Variants in ADAMTS6 observed in about 807,000 individuals in gnomAD.
ADAMTS6 encodes ADAM metallopeptidase with thrombospondin type 1 motif 6, also known as A disintegrin and metalloproteinase with thrombospondin motifs 6.
In ADAMTS6, 23 loss-of-function variants were observed where a neutral mutation model predicts 144.3. The ratio of observed to expected loss-of-function variants is 0.16; its 90% CI spans 0.11 to 0.23. ADAMTS6 has a LOEUF of 0.23. Ranked by LOEUF, ADAMTS6 falls within the 10% of genes least tolerant of loss-of-function variation. ADAMTS6 has a pLI of 1.00. For missense variants in ADAMTS6, 999 were observed against 1,379.6 expected (o/e 0.72, Z 4.37); for synonymous variants, 444 against 457.5 (o/e 0.97, Z 0.38).
At chr5:65,470,302 TA>T (rs1176004927) in intron 3 of ADAMTS6, among the ~76,000 whole-genome samples, 47 of 152,242 alleles carry the variant, frequency 3.1e-4, no homozygotes, top group African/African-American at 1.1e-3. Flanking sequence ...ATAGACACTG[TA>T]TAAAAGATTT....
intron 18 of ADAMTS6, among the ~76,000 whole-genome samples, chr5:65,222,169 T>C (rs1262909753): frequency 6.6e-6 from 1 of 152,134 alleles, no homozygotes; most frequent in African/African-American, 2.4e-5. Context: ...GCAAAAATAA[T>C]GTTGAAAAAG....
chr5:65,304,513 G>T (rs1743743820), intron 9 of ADAMTS6, among the ~76,000 whole-genome samples: 1 of 152,142 alleles, frequency 6.6e-6, no homozygotes, highest in Admixed American at 6.5e-5. Context: ...GCTCACTGCA[G>T]CCTCGACCTC....
intron 7 of ADAMTS6, among the ~76,000 whole-genome samples, chr5:65,445,978 G>A (rs1038336869): frequency 7.2e-5 from 11 of 152,132 alleles, no homozygotes; most frequent in East Asian, 1.9e-4. Context: ...AAAAAGCAGC[G>A]TGGTAAGAGA....
Position 65,242,108 on chromosome 5 carries a change from A to T in ADAMTS6, c.1929T>A (p.Thr643=). 1.3e-6 allele frequency: 2 copies of T among 1,583,706 alleles called. No individual in the cohort carries two copies. The highest frequency in any genetic ancestry group is 1.7e-6 in the Non-Finnish European group (2 of 1,160,948). The change falls in exon 15 of 25, where the codon ACT becomes ACA. Residue 643 remains threonine (T), a synonymous_variant. Transcript: ENST00000381055. ...CTCTGTCAGGTTATACATTACCTCCAGTATAGGGTTTCCAGTTATAATACT... is the reference window on the plus strand; with the variant it reads ...CTCTGTCAGGTTATACATTACCTCCTGTATAGGGTTTCCAGTTATAATACT... ...RGKYYNWKPY[T]GGGVKPCALN...
rs1209619369 is a variant in ADAMTS6, at chr5:65,234,033, C to A, written c.1934-7814G>T. ...CCAAGAAAATAGAGTGAGGAGAGGG[C>A]AGTCTCTTCAATAAGTGATGCTGGG... is the stretch of plus-strand genomic sequence containing the variant. On this transcript the variant is annotated intron_variant, in intron 15 of 24. Transcript: ENST00000381055. Among the ~76,000 whole-genome samples, 6 of 145,578 alleles carry A rather than the reference C, an allele frequency of 4.1e-5. No individual in the cohort carries two copies. In the Admixed American group the frequency reaches 4.2e-4, roughly 10 times the overall value.
intron 4 of ADAMTS6, among the ~76,000 whole-genome samples, chr5:65,455,603 A>G (rs138591961): frequency 4.3e-4 from 66 of 152,122 alleles, no homozygotes; most frequent in African/African-American, 1.5e-3. Context: ...TTTGTCCAGT[A>G]AAATATTTCA....
chr5:65,242,946 A>C (rs1759320783), intron 14 of ADAMTS6, among the ~76,000 whole-genome samples: 1 of 152,076 alleles, frequency 6.6e-6, no homozygotes, highest in South Asian at 2.1e-4. Flanking sequence ...AATGCTTCTG[A>C]AGTTTTTTAA....
At chr5:65,239,890 T>G (rs1183568666) in intron 15 of ADAMTS6, among the ~76,000 whole-genome samples, 1 of 152,116 alleles carries the variant, frequency 6.6e-6, no homozygotes, top group Admixed American at 6.6e-5. Flanking sequence ...CCTCAGACAT[T>G]GTCGGTGAGA....
chr5:65,473,478 A>G (rs1760622337), intron 2 of ADAMTS6, 99 bp downstream of exon 2: 1 of 1,012,382 alleles, frequency 9.9e-7, no homozygotes, highest in Non-Finnish European at 1.5e-6. Context: ...ATCACTACAT[A>G]TCCCAAAAAA....
intron 7 of ADAMTS6, among the ~76,000 whole-genome samples, chr5:65,439,096 T>G (rs1757672464): frequency 6.6e-6 from 1 of 151,206 alleles, no homozygotes; most frequent in African/African-American, 2.4e-5. Flanking sequence ...TGACGGAAAA[T>G]CCCAAAAAGT....
intron 14 of ADAMTS6, among the ~76,000 whole-genome samples, chr5:65,250,054 T>C (rs946615495): frequency 3.3e-5 from 5 of 152,196 alleles, no homozygotes; most frequent in African/African-American, 1.2e-4. Flanking sequence ...ACTGGATCTC[T>C]TTCACAGCAT....
At chr5:65,460,465 A>G (rs1164623732) in intron 3 of ADAMTS6, 127 bp from the exon 4 acceptor site, 1 of 832,744 alleles carries the variant, frequency 1.2e-6, no homozygotes, top group Non-Finnish European at 1.8e-6. Context: ...TTAATAAAAA[A>G]ATTAGCGAAT....
intron 24 of ADAMTS6, among the ~76,000 whole-genome samples, chr5:65,168,432 T>C (rs1470283717): frequency 6.8e-6 from 1 of 147,290 alleles, no homozygotes; most frequent in Middle Eastern, 3.3e-3. Flanking sequence ...ATAGGAAGAA[T>C]CAATATCGTG....
At chr5:65,301,860 G>A (rs544936194) in intron 9 of ADAMTS6, among the ~76,000 whole-genome samples, 3 of 151,946 alleles carry the variant, frequency 2.0e-5, no homozygotes, top group South Asian at 2.1e-4. Flanking sequence ...AGGCTGGGGC[G>A]GGAGGATCAC....
At chr5:65,273,893 GA>G (rs1762248260) in intron 11 of ADAMTS6, among the ~76,000 whole-genome samples, 1 of 152,086 alleles carries the variant, frequency 6.6e-6, no homozygotes, top group East Asian at 1.9e-4. Context: ...TTTAAAACAG[GA>G]AAATAGACCA....
intron 20 of ADAMTS6, among the ~76,000 whole-genome samples, chr5:65,206,061 T>C (rs1486195053): frequency 2.0e-5 from 3 of 152,188 alleles, no homozygotes; most frequent in Non-Finnish European, 4.4e-5. Flanking sequence ...ATTCAACATC[T>C]AGTAAAAGGA....
intron 8 of ADAMTS6, among the ~76,000 whole-genome samples, chr5:65,332,738 A>C (rs1361556782): frequency 6.6e-6 from 1 of 152,110 alleles, no homozygotes; most frequent in Non-Finnish European, 1.5e-5. Context: ...TGTCAAAGCC[A>C]GTTGTTAGTT....
intron 7 of ADAMTS6, among the ~76,000 whole-genome samples, chr5:65,351,566 A>C (rs1748844011): frequency 6.6e-6 from 1 of 152,238 alleles, no homozygotes. Context: ...TATCTAAAAA[A>C]GAATTTTTAT....
intron 24 of ADAMTS6, among the ~76,000 whole-genome samples, chr5:65,157,373 G>A (rs981531683): frequency 1.3e-5 from 2 of 152,224 alleles, no homozygotes; most frequent in African/African-American, 2.4e-5. Flanking sequence ...CAGATTAATT[G>A]TGACTTTGAA....
Sources: allele counts gnomAD v4.1 joint callset (sites outside exome capture counted in the v4.1 genomes callset), GRCh38; gene constraint gnomAD v4.1.1; transcripts MANE v1.5; gene names NCBI Gene and HGNC (gene_info 2026-07-23, HGNC 2026-07-21).